Variants in TENM4 observed in about 807,000 individuals in gnomAD.
TENM4 encodes the protein teneurin-4.
Under a neutral mutation model 243.3 loss-of-function variants are expected in TENM4, and 82 were observed. That is an observed-to-expected ratio of 0.34 (90% confidence interval 0.28 to 0.40). The LOEUF (loss-of-function observed/expected upper bound fraction) is 0.40. Among genes scored for constraint, TENM4 ranks in the 10% least tolerant of loss-of-function variants. The probability of loss-of-function intolerance (pLI) is 1.00; values close to 1 mark genes in which losing one functional copy is unlikely to be tolerated. For synonymous variants in TENM4, 1,412 were observed against 1,456.3 expected, an observed-to-expected ratio of 0.97 and a Z score of 0.69; for missense variants, 3,138 against 3,673.3, an observed-to-expected ratio of 0.85 and a Z score of 3.77.
chr11:78,933,819 G>T (rs906826840), intron 6 of TENM4, among the ~76,000 whole-genome samples: 4 of 152,136 alleles, frequency 2.6e-5, no homozygotes, highest in Admixed American at 2.0e-4. Flanking sequence ...AACATATGTT[G>T]CTCCTGGCAG....
chr11:78,658,901 T>C, intron 33 of TENM4, 85 bp from the exon 34 acceptor site: 3 of 1,437,536 alleles, frequency 2.1e-6, no homozygotes, highest in Non-Finnish European at 1.9e-6. Context: ...AATAATGAAG[T>C]CAAAACCACA....
At chr11:78,856,878 C>T (rs774543633) in intron 10 of TENM4, among the ~76,000 whole-genome samples, 69 of 152,292 alleles carry the variant, frequency 4.5e-4, no homozygotes, top group Middle Eastern at 3.4e-3. Flanking sequence ...AGTTCACACA[C>T]CAAGCCTATG....
At chr11:78,806,705 T>C (rs1857396228) in intron 14 of TENM4, among the ~76,000 whole-genome samples, 1 of 152,184 alleles carries the variant, frequency 6.6e-6, no homozygotes, top group East Asian at 1.9e-4. Context: ...AAAATACACA[T>C]ACATAAAATT....
At chr11:79,300,724 T>G (rs1483391916) in intron 1 of TENM4, among the ~76,000 whole-genome samples, 3 of 152,264 alleles carry the variant, frequency 2.0e-5, no homozygotes, top group Non-Finnish European at 2.9e-5. Context: ...TTCTTGGTCA[T>G]CACACTTTTT....
intron 15 of TENM4, among the ~76,000 whole-genome samples, chr11:78,795,585 G>T (rs1158459796): frequency 6.6e-6 from 1 of 152,056 alleles, no homozygotes; most frequent in African/African-American, 2.4e-5. Flanking sequence ...TAGGCCTAGG[G>T]GCTGAGGATA....
At chr11:79,352,140 T>G (rs1857424780) in intron 1 of TENM4, among the ~76,000 whole-genome samples, 1 of 152,008 alleles carries the variant, frequency 6.6e-6, no homozygotes, top group Non-Finnish European at 1.5e-5. Flanking sequence ...AATTCTGGAG[T>G]CTTGTTCCTG....
intron 3 of TENM4, among the ~76,000 whole-genome samples, chr11:79,197,399 C>G (rs1863652923): frequency 6.6e-6 from 1 of 151,140 alleles, no homozygotes; most frequent in Non-Finnish European, 1.5e-5. Context: ...GGAACCAGAA[C>G]CAAAAGCTGC....
intron 12 of TENM4, among the ~76,000 whole-genome samples, chr11:78,829,898 G>C (rs1175486791): frequency 6.6e-6 from 1 of 152,160 alleles, no homozygotes; most frequent in Non-Finnish European, 1.5e-5. Flanking sequence ...CGTGTACTTT[G>C]TGACAACAGG....
chr11:79,288,957 T>C (rs1856307814), intron 2 of TENM4, among the ~76,000 whole-genome samples: 1 of 152,018 alleles, frequency 6.6e-6, no homozygotes, highest in Admixed American at 6.6e-5. Flanking sequence ...AAGTCAGAGC[T>C]TGGATGAAGT....
At chr11:79,144,834 T>G (rs1176449527) in intron 4 of TENM4, among the ~76,000 whole-genome samples, 1 of 151,140 alleles carries the variant, frequency 6.6e-6, no homozygotes, top group Admixed American at 6.6e-5. Flanking sequence ...ACAAAAAATA[T>G]AGTTAGAATA....
chr11:79,183,670 T>C (rs1215014678), intron 3 of TENM4, among the ~76,000 whole-genome samples: 1 of 152,108 alleles, frequency 6.6e-6, no homozygotes, highest in African/African-American at 2.4e-5. Context: ...GGGACTCTTG[T>C]TTTCCACTTA....
At chr11:78,755,657 G>A (rs556198677) in intron 19 of TENM4, among the ~76,000 whole-genome samples, 17 of 152,216 alleles carry the variant, frequency 1.1e-4, no homozygotes, top group African/African-American at 3.9e-4. Flanking sequence ...CCTGCTCTCT[G>A]CTCCTCAGCC....
Position 78,806,713 on chromosome 11 carries a change from A to C in TENM4, c.1979-1221T>G, listed in dbSNP as rs145070665. On this transcript the variant is annotated intron_variant, in intron 14 of 33. Transcript: ENST00000278550. ...TGGTGGTAAAATACACATACATAAAATTTACCACCTTAGCCACTGTTAAGT... is the reference window on the plus strand; with the variant it reads ...TGGTGGTAAAATACACATACATAAACTTTACCACCTTAGCCACTGTTAAGT... Among the ~76,000 whole-genome samples, 5 of 152,332 alleles carry C rather than the reference A, an allele frequency of 3.3e-5. No homozygotes were observed. In the East Asian group the frequency reaches 9.6e-4, roughly 29 times the overall value.
chr11:79,245,112 C>T (rs1253361042), intron 2 of TENM4, among the ~76,000 whole-genome samples: 1 of 152,218 alleles, frequency 6.6e-6, no homozygotes, highest in Non-Finnish European at 1.5e-5. Context: ...TGCTCTCCTA[C>T]TGGACTGAAT....
chr11:79,205,792 T>G (rs1331571185), intron 3 of TENM4, among the ~76,000 whole-genome samples: 1 of 152,242 alleles, frequency 6.6e-6, no homozygotes, highest in Admixed American at 6.5e-5. Flanking sequence ...GTGGTAGGTA[T>G]ACAGATTTTC....
intron 1 of TENM4, among the ~76,000 whole-genome samples, chr11:79,336,221 A>G (rs545517142): frequency 1.3e-5 from 2 of 152,274 alleles, no homozygotes; most frequent in African/African-American, 2.4e-5. Flanking sequence ...GGTTTAGTCC[A>G]TAGAGCCCAA....
At chr11:79,344,969 G>A (rs1379445762) in intron 1 of TENM4, among the ~76,000 whole-genome samples, 1 of 152,154 alleles carries the variant, frequency 6.6e-6, no homozygotes, top group African/African-American at 2.4e-5. Flanking sequence ...AACTTCCTAA[G>A]GGTAATGGAT....
At chr11:78,733,800 T>A (rs925613326) in intron 20 of TENM4, among the ~76,000 whole-genome samples, 24 of 152,190 alleles carry the variant, frequency 1.6e-4, no homozygotes, top group African/African-American at 5.8e-4. Flanking sequence ...GGGCCACATG[T>A]GAACCAAGGT....
intron 1 of TENM4, among the ~76,000 whole-genome samples, chr11:79,418,653 T>G (rs186974237): frequency 6.6e-6 from 1 of 152,360 alleles, no homozygotes. Flanking sequence ...GTCACCCTGG[T>G]GAACTCTGAT....
Sources: gnomAD v4.1 joint callset for allele counts (sites outside exome capture counted in the v4.1 genomes callset) on GRCh38, gnomAD v4.1.1 for gene constraint, MANE v1.5 for transcripts, NCBI Gene and HGNC (gene_info 2026-07-23, HGNC 2026-07-21) for gene names.